The following PDPK1 variants were observed in gnomAD, a reference collection of about 807,000 sequenced individuals.
PDPK1 encodes 3-phosphoinositide dependent protein kinase 1, also known as 3-phosphoinositide-dependent protein kinase 1.
A neutral mutation model predicts 39.8 loss-of-function variants in PDPK1; 7 were observed. The observed-to-expected ratio is 0.18, with a 90% CI of 0.10 to 0.33. PDPK1 has a LOEUF of 0.33. Among genes scored for constraint, PDPK1 ranks in the 10% least tolerant of loss-of-function variants. The pLI is 1.00. For synonymous variants in PDPK1, 118 were observed against 159.1 expected, an observed-to-expected ratio of 0.74 and a Z score of 1.95; for missense variants, 182 against 384.7, an observed-to-expected ratio of 0.47 and a Z score of 4.41.
At position 2,541,008 on chromosome 16, in the gene PDPK1, G is replaced by A. The variant is rs547042300; in HGVS notation, c.24+2872G>A. 6.4e-4 allele frequency among the ~76,000 whole-genome samples: 97 copies of A among 152,236 alleles called. 1 individual carries two copies. The highest frequency in any genetic ancestry group is 2.2e-3 in the African/African-American group (90 of 41,518). On this transcript the variant is annotated intron_variant, in intron 1 of 13. Transcript: ENST00000342085. ...TGGGGAGTTCCTCCTTATGTGGCTG[G>A]TCTGGTGCATAGTGTGATGTATTCC...
At chr16:2,574,011 A>G (rs995200074) in intron 6 of PDPK1, among the ~76,000 whole-genome samples, 2 of 21,852 alleles carry the variant, frequency 9.2e-5, no homozygotes, top group Admixed American at 4.3e-4. Flanking sequence ...TATGGATAAC[A>G]TGGTCTTGAA....
At position 2,586,963 on chromosome 16, in the gene PDPK1, G is replaced by A. The variant is rs890898744; in HGVS notation, c.1343+70G>A. On this transcript the variant is annotated intron_variant, in intron 11 of 13. Coordinates refer to ENST00000342085, the MANE Select transcript of PDPK1 (RefSeq NM_002613.5). ...CGTGAACACGTGGGGGCTTATGGTG[G>A]GTGCCTTTGCCTTGTCACTGCCTCC... 33 of 1,376,672 alleles carry A rather than the reference G, an allele frequency of 2.4e-5. 1 individual carries two copies. Among genetic ancestry groups the A allele is most frequent in the East Asian group, 6.9e-5 (3 of 43,768 alleles). The allele number at this position is 1,376,672 out of a possible 1,614,324, so 85.3% of individuals were successfully genotyped here.
Position 2,557,811 on chromosome 16 carries a change from A to G in PDPK1, c.133A>G (p.Ser45Gly), listed in dbSNP as rs2066528445. The change falls in exon 2 of 14, where the codon AGC becomes GGC. Residue 45 changes from serine (S) to glycine (G), a missense_variant. Coordinates refer to ENST00000342085, the MANE Select transcript of PDPK1 (RefSeq NM_002613.5). ...CACGCCCCCTGGCATTCCTGGTGGCAGCAGGCAGGGCCCCGCCATGGACGG... is the reference window on the plus strand; with the variant it reads ...CACGCCCCCTGGCATTCCTGGTGGCGGCAGGCAGGGCCCCGCCATGGACGG... Reference protein sequence around the residue: ...SSTPPGIPGGSRQGPAMDGTA... With the variant: ...SSTPPGIPGGGRQGPAMDGTA... 8 of 1,378,392 alleles carry G rather than the reference A, an allele frequency of 5.8e-6. No individual in the cohort carries two copies. The highest frequency in any genetic ancestry group is 8.1e-6 in the Non-Finnish European group (8 of 982,162). 85.4% of individuals were successfully genotyped at this position (1,378,392 alleles called of 1,614,324 possible).
At chr16:2,545,679 G>C (rs931243485) in intron 1 of PDPK1, among the ~76,000 whole-genome samples, 3 of 152,140 alleles carry the variant, frequency 2.0e-5, no homozygotes, top group African/African-American at 7.2e-5. Context: ...ATTTTCAGTA[G>C]AGACGGCGTT....
In PDPK1 at chr16:2,597,405, C is replaced by A; in HGVS notation, c.1554+130C>A. The A allele has an allele frequency of 2.4e-6, 2 of 844,474 alleles. No individual in the cohort carries two copies. Among genetic ancestry groups the A allele is most frequent in the Non-Finnish European group, 3.8e-6 (2 of 528,850 alleles). 52.3% of individuals were successfully genotyped at this position (844,474 alleles called of 1,614,324 possible). A position where few individuals can be genotyped will look rare whatever the true frequency, so the allele number is the denominator to read the frequency against. The stretch of plus-strand genomic sequence containing the variant: ...GCAGCTGCCTCGCCCTTTCCGACAT[C>A]CCAGACGCCCACACTAGTGGCTCAG... On this transcript the variant is annotated intron_variant, in intron 13 of 13. Coordinates refer to ENST00000342085, the MANE Select transcript of PDPK1 (RefSeq NM_002613.5). This position sits in a 1 kb window ranked among gnomAD's most constrained non-coding sequence, Gnocchi z 6.3.
intron 2 of PDPK1, among the ~76,000 whole-genome samples, chr16:2,560,186 C>T (rs1481871206): frequency 9.1e-4 from 138 of 152,132 alleles, no homozygotes; most frequent in African/African-American, 3.2e-3. Flanking sequence ...GTTTAGACAA[C>T]GGAAAGATCA....
chr16:2,590,092 G>A (rs1342933199), intron 11 of PDPK1, among the ~76,000 whole-genome samples: 1 of 152,186 alleles, frequency 6.6e-6, no homozygotes, highest in African/African-American at 2.4e-5. Context: ...CTGTCGCTTG[G>A]CCTGTGTCCC....
At chr16:2,540,223 CT>C (rs2066219262) in intron 1 of PDPK1, among the ~76,000 whole-genome samples, 1 of 152,196 alleles carries the variant, frequency 6.6e-6, no homozygotes, top group Non-Finnish European at 1.5e-5. Context: ...TGAACTTTCC[CT>C]TGTGTGTCCG....
Position 2,586,755 on chromosome 16 carries a change from C to A in PDPK1, c.1205C>A (p.Thr402Lys). Residue 402 changes from threonine to lysine, a missense_variant, in exon 11 of 14, where the codon ACG (threonine) becomes AAG (lysine). Transcript: ENST00000342085. ...SSSHSLSASDTGLPQRSGSNI... is the reference protein window; with the variant it reads ...SSSHSLSASDKGLPQRSGSNI... ...TCACACTCCCTGTCAGCCTCCGACA[C>A]GGGCCTGCCCCAGAGGTCAGGCAGC... 1 of 1,614,234 alleles carries A rather than the reference C, an allele frequency of 6.2e-7. No individual in the cohort carries two copies. Among genetic ancestry groups the A allele is most frequent in the Non-Finnish European group, 8.5e-7 (1 of 1,180,026 alleles).
intron 1 of PDPK1, among the ~76,000 whole-genome samples, chr16:2,545,038 A>ATT (rs1233218927): frequency 1.1e-4 from 15 of 134,856 alleles, no homozygotes; most frequent in African/African-American, 3.0e-4. Flanking sequence ...TTAACATTGC[A>ATT]TTTTTTTTTT....
chr16:2,586,593 A>G, intron 10 of PDPK1, 83 bp from the exon 11 acceptor site: 4 of 1,214,660 alleles, frequency 3.3e-6, no homozygotes, highest in Non-Finnish European at 4.8e-6. Flanking sequence ...AAGGCCTGAC[A>G]GCGGCAGTGC....
At chr16:2,577,213 G>A in intron 6 of PDPK1, 1 of 622,840 alleles carries the variant, frequency 1.6e-6, no homozygotes, top group Non-Finnish European at 2.9e-6. Context: ...CACTGTCCAG[G>A]CGCGTGTCGG....
At chr16:2,590,841 T>G (rs1415610130) in intron 11 of PDPK1, among the ~76,000 whole-genome samples, 3 of 152,180 alleles carry the variant, frequency 2.0e-5, no homozygotes, top group Non-Finnish European at 4.4e-5. Context: ...AGAGACAAGC[T>G]CTCACTATGT....
intron 11 of PDPK1, among the ~76,000 whole-genome samples, chr16:2,587,539 T>G (rs1231030218): frequency 6.6e-6 from 1 of 152,172 alleles, no homozygotes; most frequent in Non-Finnish European, 1.5e-5. Flanking sequence ...GACAGAGTGT[T>G]GCTCTGTCAC....
At chr16:2,592,746 G>A (rs1477889145) in intron 11 of PDPK1, 2 of 454,462 alleles carry the variant, frequency 4.4e-6, no homozygotes, top group Non-Finnish European at 8.8e-6. Context: ...TGAGCTGGCA[G>A]GTGAATCCGC....
At chr16:2,551,873 C>T (rs2066418999) in intron 1 of PDPK1, among the ~76,000 whole-genome samples, 2 of 151,378 alleles carry the variant, frequency 1.3e-5, no homozygotes, top group South Asian at 4.2e-4. Context: ...CAACTATTGG[C>T]CAGGCTGGTC....
rs976811876 is a variant in PDPK1, at chr16:2,598,398, T to G, written c.*631T>G. 4.3e-6 allele frequency: 1 copy of G among 234,302 alleles called. No individual in the cohort carries two copies. The highest frequency in any genetic ancestry group is 8.4e-6 in the Non-Finnish European group (1 of 118,914). The allele number at this position is 234,302 out of a possible 1,614,324, so 14.5% of individuals were successfully genotyped here. Reference sequence around the variant, plus strand: ...GCAGCTTTCTGTGGCCCCTGCTGTGTTGGCAGGCAGGTTTGCGTGGTGAGG... The same window carrying G: ...GCAGCTTTCTGTGGCCCCTGCTGTGGTGGCAGGCAGGTTTGCGTGGTGAGG... On this transcript the variant is annotated 3_prime_UTR_variant, in exon 14 of 14. Transcript: ENST00000342085.
Position 2,586,883 on chromosome 16 carries a change from G to A in PDPK1, c.1333G>A (p.Gly445Arg), listed in dbSNP as rs2066888172. 21 of 1,613,912 alleles carry A rather than the reference G, an allele frequency of 1.3e-5. No individual in the cohort carries two copies. The highest frequency in any genetic ancestry group is 1.5e-5 in the Non-Finnish European group (18 of 1,179,884). The part of the protein sequence containing the change: ...KRLLLEKQAG[G>R]NPWHQFVENN... ...GTTGTTGTTGGAGAAGCAGGCTGGC[G>A]GAAACCCTTGGTAAGAACTTATGGA... The change falls in exon 11 of 14, where the codon GGA (glycine) becomes AGA (arginine). Residue 445 changes from glycine (G) to arginine (R), a missense_variant. Around this residue, in one of 5 missense-constraint regions of PDPK1, gnomAD observed 90 missense variants for 111.9 expected, o/e 0.80. Transcript: ENST00000342085.
chr16:2,597,523 G>C lies in PDPK1; in HGVS notation c.1555-128G>C, dbSNP rs1027260637. The C allele has an allele frequency of 1.3e-6, 1 of 760,822 alleles. No individual in the cohort carries two copies. Among genetic ancestry groups the C allele is most frequent in the Non-Finnish European group, 2.3e-6 (1 of 426,370 alleles). The allele number at this position is 760,822 out of a possible 1,614,324, so 47.1% of individuals were successfully genotyped here. ...CAGCCTGTGTAGTTGCTTACTGCTT[G>C]TGTGAATAACCGTCACACCCACGTG... On this transcript the variant is annotated intron_variant, in intron 13 of 13. Coordinates refer to ENST00000342085, the MANE Select transcript of PDPK1 (RefSeq NM_002613.5). The surrounding 1 kb of genome is among the most constrained non-coding windows in gnomAD (Gnocchi z 6.3).
Sources: gnomAD v4.1 joint callset for allele counts (sites outside exome capture counted in the v4.1 genomes callset) on GRCh38, gnomAD v4.1.1 for gene constraint, gnomAD v4.1.1 regional missense constraint, Gnocchi (gnomAD v3.1) non-coding constraint, MANE v1.5 for transcripts, NCBI Gene and HGNC (gene_info 2026-07-23, HGNC 2026-07-21) for gene names.